ADAMTS6: variants seen among roughly 807,000 people sequenced by gnomAD.
ADAMTS6 encodes ADAM metallopeptidase with thrombospondin type 1 motif 6, also known as A disintegrin and metalloproteinase with thrombospondin motifs 6.
A neutral mutation model predicts 144.3 loss-of-function variants in ADAMTS6; 23 were observed. The observed-to-expected ratio is 0.16, with a 90% confidence interval of 0.11 to 0.23. The LOEUF (loss-of-function observed/expected upper bound fraction) is 0.23. Among genes scored for constraint, ADAMTS6 ranks in the 10% least tolerant of loss-of-function variants. ADAMTS6 has a pLI of 1.00. For missense variants in ADAMTS6, 999 were observed against 1,379.6 expected, an observed-to-expected ratio of 0.72 and a Z score of 4.37; for synonymous variants, 444 against 457.5, an observed-to-expected ratio of 0.97 and a Z score of 0.38.
chr5:65,239,610 G>T (rs534189285), intron 15 of ADAMTS6, among the ~76,000 whole-genome samples: 2 of 152,054 alleles, frequency 1.3e-5, no homozygotes, highest in Non-Finnish European at 2.9e-5. Context: ...CATTTAAAAA[G>T]CAATGGGAAA....
rs567793823 is a variant in ADAMTS6, at chr5:65,343,673, C to T, written c.1074-9588G>A. Among the ~76,000 whole-genome samples, 23 of 151,888 alleles carry T rather than the reference C, an allele frequency of 1.5e-4. No homozygotes were observed. In the South Asian group the frequency reaches 4.8e-3, roughly 32 times the overall value. On this transcript the variant is annotated intron_variant, in intron 7 of 24. Transcript: ENST00000381055. Reference sequence around the variant, plus strand: ...TAAATAAAACCTCAAAAGCACAGGCCACAAAAGCAAAAATAAACAAATGGA... The same window carrying T: ...TAAATAAAACCTCAAAAGCACAGGCTACAAAAGCAAAAATAAACAAATGGA...
At chr5:65,304,009 A>G (rs949264592) in intron 9 of ADAMTS6, among the ~76,000 whole-genome samples, 1 of 152,218 alleles carries the variant, frequency 6.6e-6, no homozygotes, top group African/African-American at 2.4e-5. Flanking sequence ...GTAAGCCAAC[A>G]GATTTTAAAA....
intron 20 of ADAMTS6, among the ~76,000 whole-genome samples, chr5:65,202,446 T>C (rs1755797882): frequency 6.6e-6 from 1 of 152,198 alleles, no homozygotes; most frequent in Non-Finnish European, 1.5e-5. Flanking sequence ...ACTAATTTAG[T>C]TCCTACTATG....
chr5:65,162,677 A>G lies in ADAMTS6; in HGVS notation c.3244+7940T>C, dbSNP rs960336442. Among the ~76,000 whole-genome samples the G allele has an allele frequency of 7.9e-5, 12 of 151,724 alleles. 1 individual carries two copies. The highest frequency in any genetic ancestry group is 6.6e-5 in the Admixed American group (1 of 15,224). ...CACACACACTTGCAGAGAGAGATCT[A>G]TTTGTGTATGTGAGATATATAAGAC... is the stretch of plus-strand genomic sequence containing the variant. On this transcript the variant is annotated intron_variant, in intron 24 of 24. Coordinates refer to ENST00000381055, the MANE Select transcript of ADAMTS6 (RefSeq NM_197941.4).
intron 8 of ADAMTS6, among the ~76,000 whole-genome samples, chr5:65,333,735 C>T (rs74770633): frequency 0.045 from 6,776 of 150,752 alleles, 292 homozygotes; most frequent in African/African-American, 0.11. Context: ...TGAGTGATAA[C>T]CTCGATTTAT....
chr5:65,180,977 G>C (rs1004571787), intron 22 of ADAMTS6, among the ~76,000 whole-genome samples: 3 of 152,172 alleles, frequency 2.0e-5, no homozygotes, highest in Non-Finnish European at 4.4e-5. Context: ...TACCAAGTGT[G>C]CTAAATGCTA....
Position 65,188,152 on chromosome 5 carries a change from A to T in ADAMTS6, c.2774T>A (p.Leu925His). Residue 925 changes from leucine to histidine, a missense_variant, in exon 22 of 25, where the codon CTC becomes CAC. Physicochemically the swap from Leu to His is moderately conservative, Grantham distance 99. Coordinates refer to ENST00000381055, the MANE Select transcript of ADAMTS6 (RefSeq NM_197941.4). ...AGAAGGTCCGATCTTCCTGATGCAG[A>T]GCACTGCCCTTGTGCGCATCCCACC... ...CDGGMRTRAV[L>H]CIRKIGPSEE... 1 of 1,614,134 alleles carries T rather than the reference A, an allele frequency of 6.2e-7. No individual in the cohort carries two copies. Among genetic ancestry groups the T allele is most frequent in the Non-Finnish European group, 8.5e-7 (1 of 1,180,000 alleles).
chr5:65,411,806 T>A (rs1755078259), intron 7 of ADAMTS6, among the ~76,000 whole-genome samples: 1 of 152,202 alleles, frequency 6.6e-6, no homozygotes. Context: ...ATTATGCCTT[T>A]GTAAAAGGCT....
chr5:65,277,545 C>T (rs1358902545), intron 11 of ADAMTS6, among the ~76,000 whole-genome samples: 1 of 151,906 alleles, frequency 6.6e-6, no homozygotes, highest in East Asian at 1.9e-4. Flanking sequence ...GTGTTAGCCA[C>T]CATACCAAGA....
intron 1 of ADAMTS6, among the ~76,000 whole-genome samples, chr5:65,479,906 A>T (rs1463468449): frequency 1.3e-5 from 2 of 152,190 alleles, no homozygotes; most frequent in Non-Finnish European, 2.9e-5. Context: ...AATGAATTTG[A>T]TTTGTTTGAA....
intron 9 of ADAMTS6, among the ~76,000 whole-genome samples, chr5:65,324,871 T>C (rs1746015096): frequency 6.6e-6 from 1 of 152,148 alleles, no homozygotes; most frequent in Non-Finnish European, 1.5e-5. Flanking sequence ...CAAATAGTTA[T>C]GAACAGATGT....
intron 9 of ADAMTS6, among the ~76,000 whole-genome samples, chr5:65,311,651 C>A (rs1266514550): frequency 6.6e-6 from 1 of 151,906 alleles, no homozygotes; most frequent in Non-Finnish European, 1.5e-5. Context: ...ATTATATGAT[C>A]CCCCCTAACA....
intron 11 of ADAMTS6, among the ~76,000 whole-genome samples, chr5:65,281,691 T>G (rs1164622555): frequency 6.6e-6 from 1 of 152,090 alleles, no homozygotes; most frequent in Non-Finnish European, 1.5e-5. Flanking sequence ...ATATTAACAA[T>G]AATTTAAAAT....
intron 7 of ADAMTS6, among the ~76,000 whole-genome samples, chr5:65,364,316 T>G (rs1253848324): frequency 6.6e-6 from 1 of 152,184 alleles, no homozygotes; most frequent in Non-Finnish European, 1.5e-5. Flanking sequence ...ACTTACTGAT[T>G]ATCAGAGTTA....
chr5:65,228,710 C>A (rs148187775), intron 15 of ADAMTS6, among the ~76,000 whole-genome samples: 5 of 152,330 alleles, frequency 3.3e-5, no homozygotes, highest in African/African-American at 1.2e-4. Context: ...TGCCACCCTC[C>A]CCAGCCTTTG....
intron 7 of ADAMTS6, among the ~76,000 whole-genome samples, chr5:65,440,164 T>C (rs986867692): frequency 3.3e-5 from 5 of 152,194 alleles, no homozygotes; most frequent in African/African-American, 1.2e-4. Flanking sequence ...TAAAGAAGAA[T>C]GATGTCTACA....
chr5:65,235,778 T>TTA (rs895029329), intron 15 of ADAMTS6, among the ~76,000 whole-genome samples: 4 of 152,150 alleles, frequency 2.6e-5, no homozygotes. Flanking sequence ...AAACTTCCCT[T>TTA]TATATATATT....
intron 11 of ADAMTS6, among the ~76,000 whole-genome samples, chr5:65,276,635 A>C (rs145245303): frequency 6.6e-6 from 1 of 152,212 alleles, no homozygotes; most frequent in Non-Finnish European, 1.5e-5. Flanking sequence ...AAATCCTAGA[A>C]CATGGATGAT....
intron 15 of ADAMTS6, among the ~76,000 whole-genome samples, chr5:65,226,476 T>C (rs1177189693): frequency 2.0e-5 from 3 of 151,612 alleles, no homozygotes; most frequent in Non-Finnish European, 4.4e-5. Context: ...AACATAATTA[T>C]ATATTTATAA....
Sources: gnomAD v4.1 joint callset for allele counts (sites outside exome capture counted in the v4.1 genomes callset) on GRCh38, gnomAD v4.1.1 for gene constraint, MANE v1.5 for transcripts, NCBI Gene and HGNC (gene_info 2026-07-23, HGNC 2026-07-21) for gene names.